The following CCSER1 variants were observed in gnomAD, a reference collection of about 807,000 sequenced individuals.
CCSER1 encodes the protein serine-rich coiled-coil domain-containing protein 1.
In CCSER1, 41 loss-of-function variants were observed where a neutral mutation model predicts 82.0. The ratio of observed to expected loss-of-function variants is 0.50; its 90% CI spans 0.39 to 0.65. The LOEUF (loss-of-function observed/expected upper bound fraction) is 0.65. Ranked by LOEUF, CCSER1 falls within the 30% of genes least tolerant of loss-of-function variation. The probability of loss-of-function intolerance (pLI) is 0.00; values close to 1 mark genes in which losing one functional copy is unlikely to be tolerated. For missense variants in CCSER1, 1,119 were observed against 1,064.2 expected (o/e 1.05, Z -0.72); for synonymous variants, 414 against 383.9 (o/e 1.08, Z -0.92).
At chr4:91,412,076 G>C (rs1047270285) in intron 10 of CCSER1, among the ~76,000 whole-genome samples, 2 of 152,158 alleles carry the variant, frequency 1.3e-5, no homozygotes, top group African/African-American at 4.8e-5. Context: ...ACTTTGTAGG[G>C]GTATTGGGAT....
At chr4:90,489,767 C>T (rs71609594) in intron 5 of CCSER1, among the ~76,000 whole-genome samples, 3,628 of 152,044 alleles carry the variant, frequency 0.024, 64 homozygotes, top group African/African-American at 0.041. Context: ...TGAGAACATG[C>T]GGTGTTTGTT....
chr4:90,531,013 G>A (rs1774446855), intron 5 of CCSER1, among the ~76,000 whole-genome samples: 1 of 152,090 alleles, frequency 6.6e-6, no homozygotes, highest in African/African-American at 2.4e-5. Flanking sequence ...GATTTGTTGA[G>A]TTCACCTTAA....
At chr4:90,739,093 G>T (rs6532238) in intron 7 of CCSER1, among the ~76,000 whole-genome samples, 3,935 of 152,320 alleles carry the variant, frequency 0.026, 139 homozygotes, top group African/African-American at 0.083. Context: ...AGCCAGCATA[G>T]CTCTGAGTCT....
chr4:90,131,512 A>G (rs1226969597), intron 1 of CCSER1, among the ~76,000 whole-genome samples: 1 of 152,208 alleles, frequency 6.6e-6, no homozygotes, highest in African/African-American at 2.4e-5. Context: ...ATGATGTGTA[A>G]AAGAATAACA....
At chr4:90,791,831 A>C (rs1474813062) in intron 7 of CCSER1, among the ~76,000 whole-genome samples, 4 of 145,952 alleles carry the variant, frequency 2.7e-5, no homozygotes, top group African/African-American at 9.8e-5. Context: ...AAAAAAAAAA[A>C]AACACACACA....
chr4:90,717,761 C>T (rs1479659587), intron 6 of CCSER1, among the ~76,000 whole-genome samples: 1 of 144,718 alleles, frequency 6.9e-6, no homozygotes, highest in Non-Finnish European at 1.5e-5. Flanking sequence ...TATATACACA[C>T]ATATATAGTG....
chr4:90,263,671 C>T (rs1189905007), intron 1 of CCSER1, among the ~76,000 whole-genome samples: 2 of 152,112 alleles, frequency 1.3e-5, no homozygotes, highest in African/African-American at 4.8e-5. Context: ...TGAAAAGGGG[C>T]ATCAGCTGGC....
chr4:90,489,625 C>T (rs1204830593), intron 5 of CCSER1, among the ~76,000 whole-genome samples: 2 of 152,124 alleles, frequency 1.3e-5, no homozygotes, highest in Non-Finnish European at 2.9e-5. Flanking sequence ...CACCCATTAA[C>T]TCGTCATTTA....
At chr4:90,438,870 T>C (rs535882339) in intron 4 of CCSER1, among the ~76,000 whole-genome samples, 31 of 152,338 alleles carry the variant, frequency 2.0e-4, no homozygotes, top group African/African-American at 7.5e-4. Flanking sequence ...ATTACATTCT[T>C]ATTTGGCACA....
At chr4:90,638,109 G>A (rs797009486) in intron 6 of CCSER1, among the ~76,000 whole-genome samples, 3 of 152,142 alleles carry the variant, frequency 2.0e-5, no homozygotes, top group Non-Finnish European at 4.4e-5. Context: ...TTGTTTGACT[G>A]TGAAGTTCGA....
In CCSER1 at chr4:91,411,507, T is replaced by TATATATATATATATACACACAC. The variant is rs1399049292; in HGVS notation, c.2218-187050_2218-187049insCACACACATATATATATATATA. Among the ~76,000 whole-genome samples the TATATATATATATATACACACAC allele has an allele frequency of 4.9e-4, 33 of 67,300 alleles. 3 individuals carry two copies. Among genetic ancestry groups the TATATATATATATATACACACAC allele is most frequent in the African/African-American group, 1.6e-3 (33 of 20,676 alleles). The allele number at this position is 67,300 out of a possible 152,430, so 44.2% of individuals were successfully genotyped here. A position where few individuals can be genotyped will look rare whatever the true frequency, so the allele number is the denominator to read the frequency against. On this transcript the variant is annotated intron_variant, in intron 10 of 10. Transcript: ENST00000509176. ...GCATATATACATATATATATATATA[T>TATATATATATATATACACACAC]ATATATATATATATATATAAAATCT...
At chr4:90,228,747 T>C (rs1388418878) in intron 1 of CCSER1, among the ~76,000 whole-genome samples, 1 of 152,038 alleles carries the variant, frequency 6.6e-6, no homozygotes, top group African/African-American at 2.4e-5. Context: ...AATGTATAAC[T>C]AGAATAACCA....
At chr4:91,152,173 A>G (rs546407517) in intron 10 of CCSER1, among the ~76,000 whole-genome samples, 172 of 152,272 alleles carry the variant, frequency 1.1e-3, no homozygotes, top group African/African-American at 4.1e-3. Context: ...TTAGGTTCAT[A>G]TATATTTAGG....
intron 10 of CCSER1, among the ~76,000 whole-genome samples, chr4:91,223,157 T>C (rs1319898834): frequency 6.6e-6 from 1 of 151,806 alleles, no homozygotes; most frequent in Non-Finnish European, 1.5e-5. Flanking sequence ...CAAAACAAAA[T>C]GAAAGAAAAA....
chr4:90,211,683 A>C (rs925212951), intron 1 of CCSER1, among the ~76,000 whole-genome samples: 1 of 152,212 alleles, frequency 6.6e-6, no homozygotes, highest in Non-Finnish European at 1.5e-5. Context: ...AGAATCTTGG[A>C]TTTCATTCCA....
At chr4:90,746,163 A>G (rs186855134) in intron 7 of CCSER1, among the ~76,000 whole-genome samples, 1 of 152,320 alleles carries the variant, frequency 6.6e-6, no homozygotes, top group East Asian at 1.9e-4. Context: ...TATTGTAATT[A>G]TGTTTATTTA....
intron 10 of CCSER1, among the ~76,000 whole-genome samples, chr4:91,597,194 C>T (rs1764623890): frequency 6.6e-6 from 1 of 151,966 alleles, no homozygotes; most frequent in Non-Finnish European, 1.5e-5. Context: ...AAATCAAACT[C>T]TGTGCTACAA....
At chr4:90,889,802 A>C (rs944465466) in intron 8 of CCSER1, among the ~76,000 whole-genome samples, 1 of 152,314 alleles carries the variant, frequency 6.6e-6, no homozygotes, top group African/African-American at 2.4e-5. Flanking sequence ...TTGCACACAT[A>C]TAATCTTTTA....
intron 4 of CCSER1, among the ~76,000 whole-genome samples, chr4:90,454,881 T>C (rs1375373639): frequency 2.0e-5 from 3 of 152,138 alleles, no homozygotes; most frequent in Non-Finnish European, 4.4e-5. Flanking sequence ...GAAAAGCAAA[T>C]TTGGACCTTA....
Sources: gnomAD v4.1 joint callset for allele counts (sites outside exome capture counted in the v4.1 genomes callset) on GRCh38, gnomAD v4.1.1 for gene constraint, MANE v1.5 for transcripts, NCBI Gene and HGNC (gene_info 2026-07-23, HGNC 2026-07-21) for gene names.